Variants in PIK3CB observed in about 807,000 individuals in gnomAD.
PIK3CB encodes phosphatidylinositol 4,5-bisphosphate 3-kinase catalytic subunit beta isoform.
In PIK3CB, 39 loss-of-function variants were observed where a neutral mutation model predicts 136.8. The observed-to-expected ratio is 0.29, with a 90% CI of 0.22 to 0.37. PIK3CB has a LOEUF of 0.37. Ranked by LOEUF, PIK3CB falls within the 10% of genes least tolerant of loss-of-function variation. The pLI, the probability that PIK3CB is intolerant of heterozygous loss-of-function variation, is 1.00. For synonymous variants in PIK3CB, 428 were observed against 436.6 expected, an observed-to-expected ratio of 0.98 and a Z score of 0.25; for missense variants, 868 against 1,275.4, an observed-to-expected ratio of 0.68 and a Z score of 4.87.
intron 19 of PIK3CB, among the ~76,000 whole-genome samples, chr3:138,676,826 G>A (rs1250524830): frequency 6.6e-6 from 1 of 152,100 alleles, no homozygotes; most frequent in Admixed American, 6.6e-5. Flanking sequence ...TGGTTGCCTA[G>A]AATTGGAGTG....
chr3:138,822,774 G>A (rs930606814), intron 1 of PIK3CB, among the ~76,000 whole-genome samples: 1 of 149,904 alleles, frequency 6.7e-6, no homozygotes, highest in African/African-American at 2.5e-5. Flanking sequence ...CTCAGGAGGC[G>A]GAGGCTGCAG....
At chr3:138,687,475 CTT>C (rs1559814917) in intron 16 of PIK3CB, among the ~76,000 whole-genome samples, 1 of 152,078 alleles carries the variant, frequency 6.6e-6, no homozygotes, top group Admixed American at 6.6e-5. Context: ...CAATCTACTT[CTT>C]TTTTTGAGAC....
chr3:138,758,808 G>C (rs1002089489), intron 3 of PIK3CB, among the ~76,000 whole-genome samples: 21 of 152,180 alleles, frequency 1.4e-4, no homozygotes, highest in African/African-American at 4.8e-4. Flanking sequence ...GAAAAGGCAA[G>C]CCTGCTGAGG....
intron 9 of PIK3CB, among the ~76,000 whole-genome samples, chr3:138,712,738 T>C (rs1232612228): frequency 6.6e-6 from 1 of 152,014 alleles, no homozygotes; most frequent in Admixed American, 6.6e-5. Flanking sequence ...AGCTAATTTT[T>C]GTCCTTTTAG....
At chr3:138,801,509 C>T (rs980534240) in intron 1 of PIK3CB, among the ~76,000 whole-genome samples, 22 of 151,946 alleles carry the variant, frequency 1.4e-4, no homozygotes, top group African/African-American at 5.1e-4. Context: ...GGAAGGAGGA[C>T]TGCTTGAGCT....
At chr3:138,822,859 T>C (rs1000451749) in intron 1 of PIK3CB, among the ~76,000 whole-genome samples, 1 of 146,788 alleles carries the variant, frequency 6.8e-6, no homozygotes, top group Non-Finnish European at 1.5e-5. Context: ...GAAATATATA[T>C]ACGAAATATA....
chr3:138,677,077 G>C (rs1235965989), intron 19 of PIK3CB, among the ~76,000 whole-genome samples: 1 of 134,418 alleles, frequency 7.4e-6, no homozygotes, highest in Non-Finnish European at 1.6e-5. Context: ...TTTTTTTTGA[G>C]ATGGAGCTTC....
chr3:138,779,923 G>C (rs571546468), intron 2 of PIK3CB, among the ~76,000 whole-genome samples: 5 of 152,004 alleles, frequency 3.3e-5, no homozygotes, highest in African/African-American at 1.2e-4. Context: ...GAATTATGCA[G>C]GTCCAAGTTC....
rs1159719868 is a variant in PIK3CB, at chr3:138,707,159, C to G, written c.1530G>C (p.Lys510Asn). Residue 510 changes from lysine (K) to asparagine (N), a missense_variant and splice_region_variant, in exon 11 of 24, where the codon AAG becomes AAC. By Grantham distance (94) the Lys-to-Asn change is moderately conservative (BLOSUM62 0). Around this residue, in one of 4 missense-constraint regions of PIK3CB, gnomAD observed 612 missense variants for 801.1 expected, o/e 0.76. Coordinates refer to ENST00000674063, the MANE Select transcript of PIK3CB (RefSeq NM_006219.3). Reference protein sequence around the residue: ...KQPYYYPPFDKIIEKAAEIAS... With the variant: ...KQPYYYPPFDNIIEKAAEIAS... ...GAGGTCCTTTAAATAATTAGCTTAC[C>G]TTATCGAAGGGAGGGTAATAATAAG... 1.3e-6 allele frequency: 2 copies of G among 1,543,804 alleles called. No homozygotes were observed. The highest frequency in any genetic ancestry group is 1.8e-6 in the Non-Finnish European group (2 of 1,117,266).
At position 138,654,708 on chromosome 3, in the gene PIK3CB, A is replaced by T. The variant is rs1451787148; in HGVS notation, c.*681T>A. 4.5e-6 allele frequency: 1 copy of T among 219,808 alleles called. No individual in the cohort carries two copies. The highest frequency in any genetic ancestry group is 2.2e-5 in the African/African-American group (1 of 44,624). 13.6% of individuals were successfully genotyped at this position (219,808 alleles called of 1,614,324 possible). On this transcript the variant is annotated 3_prime_UTR_variant, in exon 24 of 24. Transcript: ENST00000674063. Reference sequence around the variant, plus strand: ...ACAGGCTGAAGAATACCAAAGAAACATTTATATAGAACTCCCACTAGAAAT... The same window carrying T: ...ACAGGCTGAAGAATACCAAAGAAACTTTTATATAGAACTCCCACTAGAAAT...
intron 8 of PIK3CB, among the ~76,000 whole-genome samples, chr3:138,727,732 C>T (rs1486785747): frequency 1.3e-5 from 2 of 152,088 alleles, no homozygotes. Flanking sequence ...GAACTTTATG[C>T]CAATAAACAA....
chr3:138,715,753 A>T (rs2044593719), intron 8 of PIK3CB, among the ~76,000 whole-genome samples: 1 of 151,730 alleles, frequency 6.6e-6, no homozygotes, highest in Admixed American at 6.6e-5. Flanking sequence ...TAATATAATT[A>T]TGAGTTTAAA....
chr3:138,832,584 T>G (rs1934082046), intron 1 of PIK3CB, among the ~76,000 whole-genome samples: 1 of 151,718 alleles, frequency 6.6e-6, no homozygotes, highest in Non-Finnish European at 1.5e-5. Flanking sequence ...TCCCAGCAGT[T>G]TGGGAGGCCG....
chr3:138,762,253 A>G (rs555516754), intron 2 of PIK3CB, among the ~76,000 whole-genome samples: 1 of 152,326 alleles, frequency 6.6e-6, no homozygotes, highest in South Asian at 2.1e-4. Context: ...CCATCTCAAA[A>G]AAAACAAAAA....
At chr3:138,705,746 T>C (rs2044366849) in intron 11 of PIK3CB, among the ~76,000 whole-genome samples, 1 of 152,224 alleles carries the variant, frequency 6.6e-6, no homozygotes, top group South Asian at 2.1e-4. Context: ...TTTCAGCTTA[T>C]TTTCTGAACA....
At chr3:138,694,098 C>G (rs755252218) in intron 14 of PIK3CB, among the ~76,000 whole-genome samples, 1 of 150,428 alleles carries the variant, frequency 6.6e-6, no homozygotes, top group Non-Finnish European at 1.5e-5. Flanking sequence ...CTCTAACAAG[C>G]CTGCTTATAG....
At chr3:138,703,072 C>G (rs927083958) in intron 12 of PIK3CB, among the ~76,000 whole-genome samples, 4 of 152,120 alleles carry the variant, frequency 2.6e-5, no homozygotes. Context: ...GGAAAAAAGA[C>G]AGAGAGAGGA....
chr3:138,762,537 C>T (rs1349784232), intron 2 of PIK3CB, among the ~76,000 whole-genome samples: 6 of 152,164 alleles, frequency 3.9e-5, no homozygotes, highest in Non-Finnish European at 7.3e-5. Context: ...GGCACTAGTC[C>T]TAAAATTAAG....
intron 8 of PIK3CB, among the ~76,000 whole-genome samples, chr3:138,719,753 T>A (rs1377845179): frequency 6.6e-6 from 1 of 152,132 alleles, no homozygotes; most frequent in Non-Finnish European, 1.5e-5. Context: ...TCCAGAGAAG[T>A]CTTTCAAGGC....
Sources: gnomAD v4.1 joint callset for allele counts (sites outside exome capture counted in the v4.1 genomes callset) on GRCh38, gnomAD v4.1.1 for gene constraint, gnomAD v4.1.1 regional missense constraint, MANE v1.5 for transcripts, NCBI Gene and HGNC (gene_info 2026-07-23, HGNC 2026-07-21) for gene names.